TTLL11: variants seen among roughly 807,000 people sequenced by gnomAD.
TTLL11 encodes tubulin tyrosine ligase like 11.
Under a neutral mutation model 51.7 loss-of-function variants are expected in TTLL11, and 42 were observed. The observed-to-expected ratio is 0.81, with a 90% CI of 0.64 to 1.05. The LOEUF is 1.05. Ranked by LOEUF, TTLL11 falls within the 50% of genes least tolerant of loss-of-function variation. TTLL11 has a pLI of 0.00. For synonymous variants in TTLL11, 381 were observed against 383.5 expected (o/e 0.99, Z 0.08); for missense variants, 799 against 940.4 (o/e 0.85, Z 1.97).
intron 3 of TTLL11, among the ~76,000 whole-genome samples, chr9:122,000,342 G>A (rs1209961011): frequency 6.6e-6 from 1 of 151,818 alleles, no homozygotes; most frequent in Non-Finnish European, 1.5e-5. Flanking sequence ...TGTGGTGGCG[G>A]GCACCTGTAG....
intron 6 of TTLL11, among the ~76,000 whole-genome samples, chr9:121,899,190 C>T (rs901728385): frequency 1.3e-5 from 2 of 152,044 alleles, no homozygotes; most frequent in African/African-American, 4.8e-5. Flanking sequence ...GGCTGCCCTG[C>T]CTGGAGAGCT....
At chr9:122,007,970 C>T (rs1257909980) in intron 3 of TTLL11, among the ~76,000 whole-genome samples, 1 of 152,196 alleles carries the variant, frequency 6.6e-6, no homozygotes, top group Non-Finnish European at 1.5e-5. Flanking sequence ...AGAAGGACAT[C>T]ATGTGCCTCC....
rs1840007578 is a variant in TTLL11, at chr9:121,908,219, T to C, written c.1482-37471A>G. On this transcript the variant is annotated intron_variant, in intron 6 of 8. Coordinates refer to ENST00000321582, the MANE Select transcript of TTLL11 (RefSeq NM_001139442.2). ...TTCCAGTCCCAGATCCATTCCAAAC[T>C]TGCTGGAAGGCTGAGGGAATCCCAT... Among the ~76,000 whole-genome samples the C allele has an allele frequency of 2.6e-5, 4 of 152,222 alleles. 1 individual carries two copies. The South Asian group carries it at 8.3e-4, about 32-fold the overall frequency.
At chr9:121,968,607 A>G (rs1842474314) in intron 6 of TTLL11, among the ~76,000 whole-genome samples, 1 of 151,996 alleles carries the variant, frequency 6.6e-6, no homozygotes, top group Non-Finnish European at 1.5e-5. Context: ...GCCAGGCCGG[A>G]GTGCAGTGGT....
At chr9:122,034,928 A>G (rs1844660444) in intron 2 of TTLL11, among the ~76,000 whole-genome samples, 1 of 152,160 alleles carries the variant, frequency 6.6e-6, no homozygotes, top group African/African-American at 2.4e-5. Flanking sequence ...TCGAAGCTCT[A>G]GGTCTAACCC....
intron 1 of TTLL11, among the ~76,000 whole-genome samples, chr9:122,076,633 T>G (rs1588261218): frequency 6.6e-6 from 1 of 151,766 alleles, no homozygotes; most frequent in Non-Finnish European, 1.5e-5. Flanking sequence ...CTGAGGCATC[T>G]GTATAAAAGG....
intron 6 of TTLL11, among the ~76,000 whole-genome samples, chr9:121,967,685 A>G (rs1842442399): frequency 6.6e-6 from 1 of 152,234 alleles, no homozygotes; most frequent in Non-Finnish European, 1.5e-5. Flanking sequence ...TAGAATGCCA[A>G]CATATGAAAT....
At chr9:121,876,654 A>G (rs911525399) in intron 6 of TTLL11, among the ~76,000 whole-genome samples, 3 of 152,140 alleles carry the variant, frequency 2.0e-5, no homozygotes, top group African/African-American at 7.2e-5. Flanking sequence ...CACGCTGGAG[A>G]CGAATAAATC....
At chr9:121,910,339 G>C (rs566375022) in intron 6 of TTLL11, among the ~76,000 whole-genome samples, 5 of 152,088 alleles carry the variant, frequency 3.3e-5, no homozygotes, top group African/African-American at 1.2e-4. Flanking sequence ...TTATTACTTG[G>C]GCCAAAGTAT....
At chr9:122,030,002 G>A (rs1386313608) in intron 3 of TTLL11, among the ~76,000 whole-genome samples, 3 of 152,138 alleles carry the variant, frequency 2.0e-5, no homozygotes, top group Admixed American at 2.0e-4. Flanking sequence ...CGTATAGCCT[G>A]GATGTGTAGG....
At chr9:122,062,187 C>G (rs1020518720) in intron 1 of TTLL11, among the ~76,000 whole-genome samples, 4 of 152,060 alleles carry the variant, frequency 2.6e-5, no homozygotes, top group South Asian at 2.1e-4. Flanking sequence ...CTGAGGGGCT[C>G]GATCTCTTAC....
chr9:122,021,705 C>T (rs760396946), intron 3 of TTLL11, among the ~76,000 whole-genome samples: 1 of 152,110 alleles, frequency 6.6e-6, no homozygotes, highest in Non-Finnish European at 1.5e-5. Flanking sequence ...TGAACTGGAT[C>T]TTACAACAAA....
At chr9:122,080,315 T>C (rs912291907) in intron 1 of TTLL11, among the ~76,000 whole-genome samples, 7 of 152,204 alleles carry the variant, frequency 4.6e-5, no homozygotes, top group African/African-American at 1.7e-4. Flanking sequence ...AATTTGGCCA[T>C]ATATTCCAAA....
At chr9:121,826,187 T>C (rs1489962280) in intron 8 of TTLL11, among the ~76,000 whole-genome samples, 6 of 92,488 alleles carry the variant, frequency 6.5e-5, no homozygotes, top group African/African-American at 2.8e-4. Flanking sequence ...CAGTAACCTA[T>C]ATATATATAT....
chr9:121,832,060 C>T (rs4468007), intron 8 of TTLL11, among the ~76,000 whole-genome samples: 75,307 of 151,880 alleles, frequency 0.5, 19,446 homozygotes, highest in East Asian at 0.74. Flanking sequence ...GATGCTAATC[C>T]TATTCAATAA....
chr9:121,835,070 T>C (rs892222414), intron 8 of TTLL11, among the ~76,000 whole-genome samples: 8 of 152,162 alleles, frequency 5.3e-5, no homozygotes, highest in Non-Finnish European at 7.3e-5. Flanking sequence ...AACTGGTCAC[T>C]TTCCCTCAGA....
In TTLL11 at chr9:122,048,156, A is replaced by ATTATTT. The variant is rs553855451; in HGVS notation, c.463-8794_463-8789dup. Among the ~76,000 whole-genome samples the ATTATTT allele has an allele frequency of 5.3e-5, 8 of 151,740 alleles. No homozygotes were observed. In the South Asian group the frequency reaches 6.3e-4, roughly 12 times the overall value. On this transcript the variant is annotated intron_variant, in intron 1 of 8. Transcript: ENST00000321582. ...AGCAGGACGAGAGACTTTTATTTTC[A>ATTATTT]TTATTTTTATTTTTATTTTTATTTT...
At chr9:121,987,904 G>A (rs1476672113) in intron 4 of TTLL11, among the ~76,000 whole-genome samples, 2 of 151,900 alleles carry the variant, frequency 1.3e-5, no homozygotes, top group African/African-American at 4.8e-5. Flanking sequence ...TCTGTCTCCT[G>A]AACTCCAAGC....
At chr9:121,893,719 A>G (rs1208763708) in intron 6 of TTLL11, among the ~76,000 whole-genome samples, 4 of 152,150 alleles carry the variant, frequency 2.6e-5, no homozygotes, top group Non-Finnish European at 4.4e-5. Flanking sequence ...GCTGTAGGTA[A>G]GGGAGACAAA....
Sources: gnomAD v4.1 joint callset for allele counts (sites outside exome capture counted in the v4.1 genomes callset) on GRCh38, gnomAD v4.1.1 for gene constraint, MANE v1.5 for transcripts, NCBI Gene and HGNC (gene_info 2026-07-23, HGNC 2026-07-21) for gene names.